The following SLC25A24 variants were observed in gnomAD, a reference collection of about 807,000 sequenced individuals.
SLC25A24 encodes solute carrier family 25 member 24.
In SLC25A24, 49 loss-of-function variants were observed where a neutral mutation model predicts 60.7. The ratio of observed to expected loss-of-function variants is 0.81; its 90% CI spans 0.64 to 1.02. The LOEUF is 1.02. SLC25A24 is among the 50% of genes least tolerant of loss of function. SLC25A24 has a pLI of 0.00. For missense variants in SLC25A24, 564 were observed against 586.3 expected (o/e 0.96, Z 0.39); for synonymous variants, 202 against 200.6 (o/e 1.01, Z -0.06).
intron 5 of SLC25A24, among the ~76,000 whole-genome samples, chr1:108,156,929 G>A (rs1476581906): frequency 6.6e-6 from 1 of 152,138 alleles, no homozygotes; most frequent in Non-Finnish European, 1.5e-5. Flanking sequence ...CTGCTGCAAG[G>A]ATTAACTGGG....
Position 108,192,360 on chromosome 1 carries a change from C to T in SLC25A24, c.184-6406G>A, listed in dbSNP as rs1404894317. On this transcript the variant is annotated intron_variant, in intron 1 of 9. Transcript: ENST00000565488. Reference sequence around the variant, plus strand: ...TGTTGTTATTCTTAATAAACGGTAACGCTGGTCAACGACCTGAACACTGCA... The same window carrying T: ...TGTTGTTATTCTTAATAAACGGTAATGCTGGTCAACGACCTGAACACTGCA... The T allele has an allele frequency of 8.4e-6, 5 of 591,836 alleles. 1 individual carries two copies. Among genetic ancestry groups the T allele is most frequent in the Middle Eastern group, 8.5e-4 (2 of 2,356 alleles). The allele number at this position is 591,836 out of a possible 1,614,324, so 36.7% of individuals were successfully genotyped here. A position where few individuals can be genotyped will look rare whatever the true frequency, so the allele number is the denominator to read the frequency against.
intron 7 of SLC25A24, among the ~76,000 whole-genome samples, chr1:108,147,236 C>T (rs1219845): frequency 0.94 from 142,506 of 152,246 alleles, 66,914 homozygotes; most frequent in Middle Eastern, 0.99. Context: ...TGGTAGTTTG[C>T]ATTTCTGTGG....
intron 3 of SLC25A24, among the ~76,000 whole-genome samples, chr1:108,176,419 A>G (rs1647675499): frequency 6.6e-6 from 1 of 152,142 alleles, no homozygotes; most frequent in Non-Finnish European, 1.5e-5. Context: ...GGAGTTGAAG[A>G]AGGAGAAAAG....
At chr1:108,173,574 G>A (rs1647558905) in intron 3 of SLC25A24, among the ~76,000 whole-genome samples, 1 of 152,166 alleles carries the variant, frequency 6.6e-6, no homozygotes, top group Admixed American at 6.5e-5. Context: ...TAGGAGTTGG[G>A]TGCTACTATA....
At chr1:108,155,191 TC>T in intron 5 of SLC25A24, 56 bp from the exon 6 acceptor site, 1 of 1,484,100 alleles carries the variant, frequency 6.7e-7, no homozygotes, top group African/African-American at 1.4e-5. Flanking sequence ...TATTACTTTT[TC>T]TAGAACAACC....
At chr1:108,189,814 C>CAAAAAAAAA (rs34977169) in intron 1 of SLC25A24, among the ~76,000 whole-genome samples, 1 of 106,504 alleles carries the variant, frequency 9.4e-6, no homozygotes. Flanking sequence ...GACTCCATCT[C>CAAAAAAAAA]AAAAAAAAAA....
At chr1:108,187,602 A>C (rs1331648222) in intron 1 of SLC25A24, among the ~76,000 whole-genome samples, 1 of 152,152 alleles carries the variant, frequency 6.6e-6, no homozygotes, top group Non-Finnish European at 1.5e-5. Context: ...AGAAAGTCTG[A>C]TAGCCCTATA....
At chr1:108,164,274 C>G (rs1351835714) in intron 3 of SLC25A24, among the ~76,000 whole-genome samples, 1 of 151,978 alleles carries the variant, frequency 6.6e-6, no homozygotes, top group East Asian at 1.9e-4. Context: ...GTGTCTCTGC[C>G]TGGCTTTGGT....
In SLC25A24 at chr1:108,200,142, C is replaced by A; in HGVS notation, c.-4G>T. 3 of 1,545,418 alleles carry A rather than the reference C, an allele frequency of 1.9e-6. No individual in the cohort carries two copies. The highest frequency in any genetic ancestry group is 2.6e-6 in the Non-Finnish European group (3 of 1,147,400). On this transcript the variant is annotated 5_prime_UTR_variant, in exon 1 of 10. Coordinates refer to ENST00000565488, the MANE Select transcript of SLC25A24 (RefSeq NM_013386.5). ...AGTCCCGCAGCCAGCGCAACATGGT[C>A]CCAGAGGCGCAGGCGGCCTGGCCGA... is the stretch of plus-strand genomic sequence containing the variant.
In SLC25A24 at chr1:108,181,930, G is replaced by A. The variant is rs148035477; in HGVS notation, c.398+11C>T. Reference sequence around the variant, plus strand: ...GTGAAAGTCAATTGTTGACCAACATGAAGAGCTTACCTTTGAAGAATCAAC... The same window carrying A: ...GTGAAAGTCAATTGTTGACCAACATAAAGAGCTTACCTTTGAAGAATCAAC... On this transcript the variant is annotated intron_variant, in intron 3 of 9. Coordinates refer to ENST00000565488, the MANE Select transcript of SLC25A24 (RefSeq NM_013386.5). 5,010 of 1,589,728 alleles carry A rather than the reference G, an allele frequency of 3.2e-3. 9 individuals carry two copies. Among genetic ancestry groups the A allele is most frequent in the Middle Eastern group, 6.7e-3 (40 of 6,010 alleles).
intron 3 of SLC25A24, among the ~76,000 whole-genome samples, chr1:108,176,600 G>A (rs1268022204): frequency 2.6e-5 from 4 of 152,118 alleles, no homozygotes; most frequent in South Asian, 2.1e-4. Flanking sequence ...AAAAATCAAA[G>A]ACAATGAGAG....
intron 9 of SLC25A24, among the ~76,000 whole-genome samples, chr1:108,138,624 A>C (rs142431913): frequency 1.0e-3 from 155 of 152,288 alleles, no homozygotes; most frequent in African/African-American, 3.5e-3. Flanking sequence ...ACCACCATTT[A>C]CCAAAAATTT....
chr1:108,180,374 A>T (rs1316526623), intron 3 of SLC25A24, among the ~76,000 whole-genome samples: 1 of 152,068 alleles, frequency 6.6e-6, no homozygotes, highest in Admixed American at 6.6e-5. Context: ...CAAAAAAAAA[A>T]AAAAGTTACC....
intron 1 of SLC25A24, among the ~76,000 whole-genome samples, chr1:108,197,989 G>C (rs1648546503): frequency 6.6e-6 from 1 of 152,126 alleles, no homozygotes; most frequent in Admixed American, 6.5e-5. Context: ...TAATGGATCA[G>C]TTCCCTCGAG....
At position 108,142,331 on chromosome 1, in the gene SLC25A24, A is replaced by G. The variant is rs551254597; in HGVS notation, c.1098+1212T>C. Among the ~76,000 whole-genome samples the G allele has an allele frequency of 3.3e-5, 5 of 152,368 alleles. No individual in the cohort carries two copies. In the East Asian group the frequency reaches 9.6e-4, roughly 29 times the overall value. ...ATACGCAGATGCCAATGTTCACTGCAGCATTATTCACAATGTTGGAAAAGT... is the reference window on the plus strand; with the variant it reads ...ATACGCAGATGCCAATGTTCACTGCGGCATTATTCACAATGTTGGAAAAGT... On this transcript the variant is annotated intron_variant, in intron 8 of 9. Transcript: ENST00000565488.
chr1:108,135,679 C>T lies in SLC25A24; in HGVS notation c.*974G>A, dbSNP rs1050983664. On this transcript the variant is annotated 3_prime_UTR_variant, in exon 10 of 10. Transcript: ENST00000565488. ...ATATGTATCTCTCACCTTTGTGCTG[C>T]CCATATTGAAAACAGCAAGTTCAAA... The T allele has an allele frequency of 6.6e-6, 1 of 152,448 alleles. No homozygotes were observed. Among genetic ancestry groups the T allele is most frequent in the East Asian group, 1.9e-4 (1 of 5,194 alleles). The allele number at this position is 152,448 out of a possible 1,614,324, so 9.4% of individuals were successfully genotyped here.
Position 108,157,624 on chromosome 1 carries a change from T to A in SLC25A24, c.511-4A>T. ...AGCTATCCCCTATGTCAATTCCCTGTAAAAATGAAAAAAAGATCCCCATGC... is the reference window on the plus strand; with the variant it reads ...AGCTATCCCCTATGTCAATTCCCTGAAAAAATGAAAAAAAGATCCCCATGC... On this transcript the variant is annotated splice_region_variant and splice_polypyrimidine_tract_variant and intron_variant, in intron 4 of 9. Transcript: ENST00000565488. 1 of 1,606,548 alleles carries A rather than the reference T, an allele frequency of 6.2e-7. No homozygotes were observed. Among genetic ancestry groups the A allele is most frequent in the South Asian group, 1.1e-5 (1 of 90,040 alleles).
chr1:108,182,039 A>G lies in SLC25A24; in HGVS notation c.311-11T>C. Reference sequence around the variant, plus strand: ...AAGCCTCAATTTTTCCTTTAAAAAAATAAAAAGGGCAAAAAATAAAACTCA... The same window carrying G: ...AAGCCTCAATTTTTCCTTTAAAAAAGTAAAAAGGGCAAAAAATAAAACTCA... On this transcript the variant is annotated splice_polypyrimidine_tract_variant and intron_variant, in intron 2 of 9. Coordinates refer to ENST00000565488, the MANE Select transcript of SLC25A24 (RefSeq NM_013386.5). 6.5e-7 allele frequency: 1 copy of G among 1,539,568 alleles called. No homozygotes were observed. The highest frequency in any genetic ancestry group is 9.0e-7 in the Non-Finnish European group (1 of 1,113,990).
At chr1:108,167,883 T>A (rs1425622999) in intron 3 of SLC25A24, among the ~76,000 whole-genome samples, 1 of 152,242 alleles carries the variant, frequency 6.6e-6, no homozygotes, top group Non-Finnish European at 1.5e-5. Context: ...ATATTTATCA[T>A]TAATATTTGG....
Sources: gnomAD v4.1 joint callset for allele counts (sites outside exome capture counted in the v4.1 genomes callset) on GRCh38, gnomAD v4.1.1 for gene constraint, MANE v1.5 for transcripts, NCBI Gene and HGNC (gene_info 2026-07-23, HGNC 2026-07-21) for gene names.